The following PALM2AKAP2 variants were observed in gnomAD, a reference collection of about 807,000 sequenced individuals.
The protein encoded by PALM2AKAP2 is PALM2 and AKAP2 fusion.
Under a neutral mutation model 71.5 loss-of-function variants are expected in PALM2AKAP2, and 37 were observed. The observed-to-expected ratio is 0.52, with a 90% CI of 0.40 to 0.68. The LOEUF (loss-of-function observed/expected upper bound fraction) is 0.68. Ranked by LOEUF, PALM2AKAP2 falls within the 30% of genes least tolerant of loss-of-function variation. The probability of loss-of-function intolerance (pLI) is 0.00; values close to 1 mark genes in which losing one functional copy is unlikely to be tolerated. For synonymous variants in PALM2AKAP2, 468 were observed against 478.8 expected (o/e 0.98, Z 0.29); for missense variants, 1,224 against 1,191.8 (o/e 1.03, Z -0.40).
Position 110,142,074 on chromosome 9 carries a change from T to TC in PALM2AKAP2, c.2569+3535_2569+3536insC, listed in dbSNP as rs1362883867. Among the ~76,000 whole-genome samples, 4 of 146,700 alleles carry TC rather than the reference T, an allele frequency of 2.7e-5. No individual in the cohort carries two copies. The East Asian group carries it at 7.8e-4, about 29-fold the overall frequency. On this transcript the variant is annotated intron_variant, in intron 2 of 3. Coordinates refer to ENST00000374525, the Ensembl canonical transcript of PALM2AKAP2. Reference sequence around the variant, plus strand: ...CTTGTTGGTTCTTATTTTACTTTTTTTTTTTTTTTTTTTTTGAGGCAGAGT... The same window carrying TC: ...CTTGTTGGTTCTTATTTTACTTTTTTCTTTTTTTTTTTTTTTGAGGCAGAGT...
At chr9:109,808,140 A>G (rs1827629971) in intron 1 of PALM2AKAP2, among the ~76,000 whole-genome samples, 3 of 152,216 alleles carry the variant, frequency 2.0e-5, no homozygotes, top group African/African-American at 7.2e-5. Context: ...TGCTACTGTA[A>G]AGATACCTGA....
At chr9:109,759,688 C>T (rs1829021071) in intron 1 of PALM2AKAP2, among the ~76,000 whole-genome samples, 1 of 152,112 alleles carries the variant, frequency 6.6e-6, no homozygotes, top group Non-Finnish European at 1.5e-5. Flanking sequence ...TTCTTGGTTT[C>T]TCTGGACGGA....
At chr9:109,739,227 C>G (rs1007125841) in intron 1 of PALM2AKAP2, among the ~76,000 whole-genome samples, 3 of 152,124 alleles carry the variant, frequency 2.0e-5, no homozygotes, top group African/African-American at 7.2e-5. Context: ...AGTTCATTGA[C>G]TTAGACAACA....
intron 1 of PALM2AKAP2, among the ~76,000 whole-genome samples, chr9:109,715,301 T>C (rs999215877): frequency 1.3e-5 from 2 of 151,954 alleles, no homozygotes; most frequent in African/African-American, 2.4e-5. Flanking sequence ...GTCAAAAAGG[T>C]TTTGGGGACT....
intron 1 of PALM2AKAP2, among the ~76,000 whole-genome samples, chr9:110,129,122 T>C (rs1291661981): frequency 6.6e-6 from 1 of 151,982 alleles, no homozygotes; most frequent in Non-Finnish European, 1.5e-5. Context: ...GAGGGTGAAA[T>C]CCCCAGACCG....
intron 1 of PALM2AKAP2, among the ~76,000 whole-genome samples, chr9:109,823,240 C>T (rs553501300): frequency 2.4e-4 from 37 of 152,284 alleles, no homozygotes; most frequent in African/African-American, 8.7e-4. Context: ...GCCCAAATCC[C>T]TCTCATGGCT....
chr9:109,645,566 C>T (rs62581669), intron 1 of PALM2AKAP2, among the ~76,000 whole-genome samples: 2 of 149,002 alleles, frequency 1.3e-5, no homozygotes, highest in African/African-American at 4.9e-5. Context: ...AAAAAAACCC[C>T]AGCCATAAAA....
intron 1 of PALM2AKAP2, among the ~76,000 whole-genome samples, chr9:109,664,954 C>A (rs537723611): frequency 7.9e-5 from 12 of 152,264 alleles, no homozygotes; most frequent in African/African-American, 2.9e-4. Flanking sequence ...CACTGATACC[C>A]TTTCTTCCAC....
At chr9:110,154,620 G>A (rs1836402101) in intron 2 of PALM2AKAP2, among the ~76,000 whole-genome samples, 3 of 152,146 alleles carry the variant, frequency 2.0e-5, no homozygotes, top group Non-Finnish European at 4.4e-5. Flanking sequence ...TGTTTCTAGT[G>A]AACTTGGAGA....
At chr9:109,994,768 A>C (rs1456179336) in intron 6 of PALM2AKAP2, among the ~76,000 whole-genome samples, 1 of 151,982 alleles carries the variant, frequency 6.6e-6, no homozygotes, top group Non-Finnish European at 1.5e-5. Context: ...ACTCATATTT[A>C]GACTCTCCCT....
chr9:109,845,612 A>C (rs1285394232), intron 1 of PALM2AKAP2, among the ~76,000 whole-genome samples: 1 of 144,426 alleles, frequency 6.9e-6, no homozygotes, highest in Non-Finnish European at 1.5e-5. Flanking sequence ...TGGAGATCTC[A>C]GTGGGTATCT....
chr9:110,109,962 A>G (rs1835208796), intron 1 of PALM2AKAP2, among the ~76,000 whole-genome samples: 1 of 152,160 alleles, frequency 6.6e-6, no homozygotes, highest in African/African-American at 2.4e-5. Context: ...TTGGGGAGAT[A>G]TTGGTCAATG....
chr9:109,668,900 T>G (rs980648682), intron 1 of PALM2AKAP2, among the ~76,000 whole-genome samples: 1 of 152,238 alleles, frequency 6.6e-6, no homozygotes, highest in African/African-American at 2.4e-5. Flanking sequence ...AGGTGCAGAT[T>G]CCATGTGATC....
At chr9:109,913,826 G>A (rs1019423227) in intron 3 of PALM2AKAP2, among the ~76,000 whole-genome samples, 7 of 149,396 alleles carry the variant, frequency 4.7e-5, no homozygotes, top group South Asian at 4.3e-4. Flanking sequence ...GCGCAATCTC[G>A]GCTCACTGCA....
intron 1 of PALM2AKAP2, among the ~76,000 whole-genome samples, chr9:109,819,711 G>GTGTA (rs1554717241): frequency 4.0e-5 from 6 of 149,248 alleles, no homozygotes; most frequent in Non-Finnish European, 7.4e-5. Flanking sequence ...GTGTATGTGT[G>GTGTA]TGTGTGTGTG....
intron 1 of PALM2AKAP2, chr9:109,867,106 T>C (rs576352996): frequency 3.8e-4 from 172 of 456,998 alleles, no homozygotes; most frequent in Admixed American, 9.4e-4. Context: ...CTCTGTCTTT[T>C]GGATTGAGAC....
chr9:110,106,176 G>A (rs554268657), intron 1 of PALM2AKAP2, among the ~76,000 whole-genome samples: 2 of 152,186 alleles, frequency 1.3e-5, no homozygotes, highest in Non-Finnish European at 2.9e-5. Flanking sequence ...TTTTGGAGAG[G>A]AAAACCTTGG....
At chr9:109,798,372 A>C (rs1827324140) in intron 1 of PALM2AKAP2, among the ~76,000 whole-genome samples, 1 of 152,084 alleles carries the variant, frequency 6.6e-6, no homozygotes, top group African/African-American at 2.4e-5. Context: ...AGCGTACCCT[A>C]CTCTGCTTCT....
chr9:109,831,332 G>A (rs973858486), intron 1 of PALM2AKAP2, among the ~76,000 whole-genome samples: 1 of 152,162 alleles, frequency 6.6e-6, no homozygotes, highest in Non-Finnish European at 1.5e-5. Context: ...TCCGGAGAGT[G>A]TGCTTCATTC....
Sources: allele counts gnomAD v4.1 joint callset (sites outside exome capture counted in the v4.1 genomes callset), GRCh38; gene constraint gnomAD v4.1.1; transcripts MANE v1.5; gene names NCBI Gene and HGNC (gene_info 2026-07-23, HGNC 2026-07-21).